The following CIC variants were observed in gnomAD, a reference collection of about 807,000 sequenced individuals.
CIC encodes capicua transcriptional repressor, also known as protein capicua homolog.
Under a neutral mutation model 115.7 loss-of-function variants are expected in CIC, and 18 were observed. That is an observed-to-expected ratio of 0.16 (90% confidence interval 0.11 to 0.23). The LOEUF (loss-of-function observed/expected upper bound fraction) is 0.23. Ranked by LOEUF, CIC falls within the 10% of genes least tolerant of loss-of-function variation. The pLI, the probability that CIC is intolerant of heterozygous loss-of-function variation, is 1.00. For synonymous variants in CIC, 1,076 were observed against 923.0 expected, an observed-to-expected ratio of 1.17 and a Z score of -3.01; for missense variants, 2,000 against 2,159.3, an observed-to-expected ratio of 0.93 and a Z score of 1.46.
chr19:42,291,952 T>A (rs2038152671), intron 12 of CIC, 134 bp from the exon 13 acceptor site: 1 of 1,398,462 alleles, frequency 7.2e-7, no homozygotes, highest in African/African-American at 1.4e-5. Flanking sequence ...CTCACTGTCA[T>A]CTTGCCCATC....
Position 42,287,556 on chromosome 19 carries a change from C to T in CIC, c.3321C>T (p.Asp1107=), listed in dbSNP as rs748605354. The part of the protein sequence containing the change: ...DGRSPNKREK[D]HIRRPMNAFM... ...TGTGTTTAATGCAGCGGGAGAAGGA[C>T]CACATCCGGCGGCCCATGAATGCCT... is the stretch of plus-strand genomic sequence containing the variant. Residue 1107 remains aspartate (D), a synonymous_variant, in exon 6 of 21, where the codon GAC becomes GAT. Transcript: ENST00000681038. This position sits in a 1 kb window ranked among gnomAD's most constrained non-coding sequence, Gnocchi z 8.7. 2.5e-6 allele frequency: 4 copies of T among 1,613,430 alleles called. No individual in the cohort carries two copies. The African/African-American group carries it at 4.0e-5, about 16-fold the overall frequency.
In CIC at chr19:42,289,900, G is replaced by A; in HGVS notation, c.4140G>A (p.Val1380=). 1 of 1,610,438 alleles carries A rather than the reference G, an allele frequency of 6.2e-7. No individual in the cohort carries two copies. Among genetic ancestry groups the A allele is most frequent in the Non-Finnish European group, 8.5e-7 (1 of 1,178,608 alleles). ...TDIDLKCKER[V]TDSESGDSSG... is the part of the protein sequence containing the mutation. ...TTGATCTCAAGTGCAAGGAGCGGGT[G>A]ACCGACAGCGAGAGTGGGGACAGCT... is the stretch of plus-strand genomic sequence containing the variant. The change falls in exon 10 of 21, where the codon GTG becomes GTA. Residue 1380 remains valine (V), a synonymous_variant. Transcript: ENST00000681038.
At position 42,295,081 on chromosome 19, in the gene CIC, C is replaced by T. The variant is rs1440016052; in HGVS notation, c.7444C>T (p.Pro2482Ser). Residue 2482 changes from proline (P) to serine (S), a missense_variant, in exon 21 of 21, where the codon CCG (proline) becomes TCG (serine). This residue lies in a region of CIC where 133 missense variants were observed against 116.0 expected (regional missense o/e 1.15). Coordinates refer to ENST00000681038, the MANE Select transcript of CIC (RefSeq NM_001386298.1). Reference sequence around the variant, plus strand: ...GGACTCTGGCACGGCCCAGGCTGCCCCGCCACTGCCTCCACCCCCAGAGTC... The same window carrying T: ...GGACTCTGGCACGGCCCAGGCTGCCTCGCCACTGCCTCCACCCCCAGAGTC... ...SSDSGTAQAA[P>S]PLPPPPESGP... The T allele has an allele frequency of 2.6e-6, 4 of 1,528,742 alleles. No individual in the cohort carries two copies. Among genetic ancestry groups the T allele is most frequent in the Admixed American group, 2.0e-5 (1 of 50,264 alleles). 94.7% of individuals were successfully genotyped at this position (1,528,742 alleles called of 1,614,324 possible). A position where few individuals can be genotyped will look rare whatever the true frequency, so the allele number is the denominator to read the frequency against.
At position 42,294,996 on chromosome 19, in the gene CIC, T is replaced by A; in HGVS notation, c.7359T>A (p.Ala2453=). 1 of 1,589,978 alleles carries A rather than the reference T, an allele frequency of 6.3e-7. No homozygotes were observed. The highest frequency in any genetic ancestry group is 2.2e-5 in the East Asian group (1 of 44,682). ...CTGTACCGCCCCCCACTGGCACCGC[T>A]GCTGCCCCTGCCCCCACTCCCAGCC... The part of the protein sequence containing the change: ...PLPVPPPTGT[A]AAPAPTPSPA... The change falls in exon 21 of 21, where the codon GCT becomes GCA. Residue 2453 remains alanine (A), a synonymous_variant. Coordinates refer to ENST00000681038, the MANE Select transcript of CIC (RefSeq NM_001386298.1).
At chr19:42,290,006 A>G (rs1460308955) in intron 10 of CIC, 55 bp downstream of exon 10, 7 of 1,486,196 alleles carry the variant, frequency 4.7e-6, no homozygotes, top group Non-Finnish European at 5.6e-6. Flanking sequence ...AGCCATGGGA[A>G]TGTCTGTTTC....
rs751580245 is a variant in CIC, at chr19:42,294,910, CAGA to C, written c.7277_7279del (p.Lys2426del). ...GCAGTTGAAGATCCGTGAGGTGCGC[CAGA>C]AGATCATGCAGGCTGCCACTCCCAC... On this transcript the variant is annotated inframe_deletion, in exon 21 of 21. Coordinates refer to ENST00000681038, the MANE Select transcript of CIC (RefSeq NM_001386298.1). 1 of 1,600,434 alleles carries C rather than the reference CAGA, an allele frequency of 6.2e-7. No homozygotes were observed. Among genetic ancestry groups the C allele is most frequent in the Non-Finnish European group, 8.5e-7 (1 of 1,179,956 alleles).
In CIC at chr19:42,271,817, T is replaced by C. The variant is rs2036799991; in HGVS notation, c.34T>C (p.Ser12Pro). ...AATGAAGAAGGCATGCACTGGCCTT[T>C]CAGGTCCTGGCAGTGGCAGCAAGTC... ...KPMKKACTGLSGPGSGSKSPP... is the reference protein window; with the variant it reads ...KPMKKACTGLPGPGSGSKSPP... Residue 12 changes from serine (S) to proline (P), a missense_variant, in exon 2 of 21, where the codon TCA becomes CCA. Coordinates refer to ENST00000681038, the MANE Select transcript of CIC (RefSeq NM_001386298.1). 1 of 398,594 alleles carries C rather than the reference T, an allele frequency of 2.5e-6. No homozygotes were observed. Among genetic ancestry groups the C allele is most frequent in the African/African-American group, 2.1e-5 (1 of 48,616 alleles). The allele number at this position is 398,594 out of a possible 1,614,324, so 24.7% of individuals were successfully genotyped here. A position where few individuals can be genotyped will look rare whatever the true frequency, so the allele number is the denominator to read the frequency against.
At chr19:42,275,736 A>G (rs1156465168) in intron 2 of CIC, among the ~76,000 whole-genome samples, 5 of 152,174 alleles carry the variant, frequency 3.3e-5, no homozygotes, top group Non-Finnish European at 7.4e-5. Flanking sequence ...CTGGTCTCGA[A>G]TTCCTGGGCT....
Position 42,272,063 on chromosome 19 carries a change from A to G in CIC, c.280A>G (p.Lys94Glu). The G allele has an allele frequency of 2.5e-6, 1 of 398,980 alleles. No individual in the cohort carries two copies. The highest frequency in any genetic ancestry group is 3.6e-5 in the East Asian group (1 of 28,076). The allele number at this position is 398,980 out of a possible 1,614,324, so 24.7% of individuals were successfully genotyped here. ...GGCTCCAGGCCCAGCAGAGGACCCCAAAGGGGATGGGGAGGCAGGCCGCTG... is the reference window on the plus strand; with the variant it reads ...GGCTCCAGGCCCAGCAGAGGACCCCGAAGGGGATGGGGAGGCAGGCCGCTG... ...DPAPGPAEDP[K>E]GDGEAGRWEP... Residue 94 changes from lysine (K) to glutamate (E), a missense_variant, in exon 2 of 21, where the codon AAA (lysine) becomes GAA (glutamate). By Grantham distance (56) the Lys-to-Glu change is moderately conservative. This residue lies in a region of CIC where 222 missense variants were observed against 247.7 expected (regional missense o/e 0.90). Transcript: ENST00000681038.
At chr19:42,291,819 A>C in intron 12 of CIC, 74 bp downstream of exon 12, 1 of 1,560,976 alleles carries the variant, frequency 6.4e-7, no homozygotes, top group South Asian at 1.1e-5. Flanking sequence ...CTTTTTTTTC[A>C]GTCTTTTCTC....
Position 42,273,505 on chromosome 19 carries a change from G to A in CIC, c.1722G>A (p.Ala574=), listed in dbSNP as rs1348224397. Residue 574 remains alanine, a synonymous_variant, in exon 2 of 21, where the codon GCG becomes GCA. Coordinates refer to ENST00000681038, the MANE Select transcript of CIC (RefSeq NM_001386298.1). The stretch of plus-strand genomic sequence containing the variant: ...GGGACAGTGAGGCCAGCAGTGTGGC[G>A]GCTCGTGGAGACTCACGGCCACGCC... ...TSRDSEASSV[A]ARGDSRPRLV... 5 of 398,346 alleles carry A rather than the reference G, an allele frequency of 1.3e-5. No individual in the cohort carries two copies. Among genetic ancestry groups the A allele is most frequent in the Non-Finnish European group, 2.2e-5 (5 of 225,964 alleles). The allele number at this position is 398,346 out of a possible 1,614,324, so 24.7% of individuals were successfully genotyped here.
chr19:42,282,048 C>G (rs2037281467), intron 2 of CIC, among the ~76,000 whole-genome samples: 1 of 152,158 alleles, frequency 6.6e-6, no homozygotes, highest in African/African-American at 2.4e-5. Flanking sequence ...GGGGAGATAG[C>G]AGGCCACATT....
chr19:42,292,245 G>C, intron 13 of CIC, 38 bp downstream of exon 13: 6 of 1,613,834 alleles, frequency 3.7e-6, no homozygotes, highest in Non-Finnish European at 5.1e-6. Flanking sequence ...GGCCAGGGAA[G>C]GGGTGGGGCG....
In CIC at chr19:42,293,199, CCTGG is replaced by C; in HGVS notation, c.6441_6444del (p.Trp2148LeufsTer62). On this transcript the variant is annotated frameshift_variant, in exon 16 of 21. Transcript: ENST00000681038. LOFTEE classifies it high-confidence loss of function. ...CCAGCCCCTCCACCCCTGCCAGAGA[CCTGG>C]ACTCCCACGGCCCGGAGCAGCCCCC... 6.3e-7 allele frequency: 1 copy of C among 1,599,958 alleles called. No individual in the cohort carries two copies. The highest frequency in any genetic ancestry group is 8.5e-7 in the Non-Finnish European group (1 of 1,174,224).
intron 1 of CIC, among the ~76,000 whole-genome samples, chr19:42,271,322 C>G (rs542744373): frequency 6.6e-6 from 1 of 152,170 alleles, no homozygotes; most frequent in Non-Finnish European, 1.5e-5. Context: ...TGATCTTGGA[C>G]AAGTTGTCTC....
chr19:42,290,120 A>G, intron 10 of CIC, 113 bp from the exon 11 acceptor site: 1 of 1,515,170 alleles, frequency 6.6e-7, no homozygotes, highest in Non-Finnish European at 9.1e-7. Context: ...TTCAGCTGGC[A>G]GGGGTGCAGC....
At chr19:42,289,144 C>T (rs374508023) in intron 8 of CIC, 37 bp from the exon 9 acceptor site, 2 of 1,613,056 alleles carry the variant, frequency 1.2e-6, no homozygotes, top group Non-Finnish European at 8.5e-7. Context: ...TCCAGGGCAG[C>T]AGCCCCGCTG....
chr19:42,292,252 G>C, intron 13 of CIC, 45 bp downstream of exon 13: 4 of 1,613,788 alleles, frequency 2.5e-6, no homozygotes, highest in Non-Finnish European at 3.4e-6. Context: ...GAAGGGGTGG[G>C]GCGGGGCCGG....
chr19:42,275,700 G>A (rs2036949618), intron 2 of CIC, among the ~76,000 whole-genome samples: 1 of 152,174 alleles, frequency 6.6e-6, no homozygotes, highest in South Asian at 2.1e-4. Context: ...TTTTTATAGA[G>A]ATGGGGTCTT....
Sources: gnomAD v4.1 joint callset for allele counts (sites outside exome capture counted in the v4.1 genomes callset) on GRCh38, gnomAD v4.1.1 for gene constraint, gnomAD v4.1.1 regional missense constraint, Gnocchi (gnomAD v3.1) non-coding constraint, MANE v1.5 for transcripts, NCBI Gene and HGNC (gene_info 2026-07-23, HGNC 2026-07-21) for gene names.